Variants in DDR2 observed in about 807,000 individuals in gnomAD.
DDR2 encodes the protein discoidin domain-containing receptor 2.
A neutral mutation model predicts 94.9 loss-of-function variants in DDR2; 27 were observed. That is an observed-to-expected ratio of 0.28 (90% CI 0.21 to 0.39). The LOEUF is 0.39. Ranked by LOEUF, DDR2 falls within the 10% of genes least tolerant of loss-of-function variation. The probability of loss-of-function intolerance (pLI) is 1.00; values close to 1 mark genes in which losing one functional copy is unlikely to be tolerated. For synonymous variants in DDR2, 382 were observed against 377.2 expected (o/e 1.01, Z -0.15); for missense variants, 783 against 1,076.0 (o/e 0.73, Z 3.81).
chr1:162,674,632 C>A (rs984310749), intron 2 of DDR2, among the ~76,000 whole-genome samples: 3 of 152,176 alleles, frequency 2.0e-5, no homozygotes, highest in Admixed American at 1.3e-4. Flanking sequence ...GTTTCACCAG[C>A]AATCTCTGTT....
Position 162,786,850 on chromosome 1 carries a change from C to T in DDR2, c.*6604C>T, listed in dbSNP as rs544859000. On this transcript the variant is annotated 3_prime_UTR_variant, in exon 18 of 18. Transcript: ENST00000367921. ...CGTCCTCACATTAATTAGTCCAGTT[C>T]TGGGGAATCCAGTCTAGAATTAACT... The T allele has an allele frequency of 2.6e-4, 39 of 152,338 alleles. No individual in the cohort carries two copies. Among genetic ancestry groups the T allele is most frequent in the African/African-American group, 9.1e-4 (38 of 41,572 alleles). The allele number at this position is 152,338 out of a possible 1,614,324, so 9.4% of individuals were successfully genotyped here.
At chr1:162,666,435 A>C (rs1398040462) in intron 2 of DDR2, among the ~76,000 whole-genome samples, 1 of 152,196 alleles carries the variant, frequency 6.6e-6, no homozygotes, top group African/African-American at 2.4e-5. Context: ...GCAATGGGTC[A>C]GTGTGAACTC....
intron 3 of DDR2, among the ~76,000 whole-genome samples, chr1:162,750,631 A>G (rs1002637374): frequency 6.6e-6 from 1 of 152,212 alleles, no homozygotes; most frequent in Non-Finnish European, 1.5e-5. Context: ...TCTTCACAGA[A>G]TTGGAAAAAA....
At chr1:162,684,333 A>G (rs927669494) in intron 2 of DDR2, among the ~76,000 whole-genome samples, 2 of 152,180 alleles carry the variant, frequency 1.3e-5, no homozygotes, top group Non-Finnish European at 2.9e-5. Context: ...AGCATAAGGA[A>G]TTCTACAAAC....
intron 2 of DDR2, among the ~76,000 whole-genome samples, chr1:162,670,859 A>G (rs4656376): frequency 0.51 from 76,965 of 152,064 alleles, 22,065 homozygotes; most frequent in Middle Eastern, 0.65. Flanking sequence ...GAGGAGCCAG[A>G]ACACTAATTT....
chr1:162,715,232 G>T (rs917844016), intron 2 of DDR2, among the ~76,000 whole-genome samples: 1 of 152,064 alleles, frequency 6.6e-6, no homozygotes, highest in African/African-American at 2.4e-5. Flanking sequence ...CTACAACAAC[G>T]AATAAAATGA....
At chr1:162,748,502 A>C (rs997750539) in intron 3 of DDR2, among the ~76,000 whole-genome samples, 10 of 152,078 alleles carry the variant, frequency 6.6e-5, no homozygotes, top group African/African-American at 1.7e-4. Context: ...TTCATAAAGC[A>C]AGTCCTTAAA....
intron 2 of DDR2, among the ~76,000 whole-genome samples, chr1:162,708,635 T>G (rs1468306209): frequency 6.6e-6 from 1 of 152,216 alleles, no homozygotes; most frequent in African/African-American, 2.4e-5. Flanking sequence ...TCTGCTCTGC[T>G]GGTTCATAGG....
chr1:162,696,584 G>GA (rs1172311571), intron 2 of DDR2, among the ~76,000 whole-genome samples: 3 of 151,914 alleles, frequency 2.0e-5, no homozygotes, highest in African/African-American at 4.8e-5. Context: ...GTGAGGGCTT[G>GA]AAAAAAACAC....
In DDR2 at chr1:162,759,892, T is replaced by C. The variant is rs1663633174; in HGVS notation, c.768T>C (p.Tyr256=). The change falls in exon 8 of 18, where the codon TAT becomes TAC. Residue 256 remains tyrosine, a synonymous_variant. Transcript: ENST00000367921. The part of the protein sequence containing the change: ...HEYHVWPGYD[Y]VGWRNESATN... ...ACCACGTGTGGCCCGGCTATGACTA[T>C]GTGGGCTGGCGGAACGAGAGTGCCA... 3 of 1,614,136 alleles carry C rather than the reference T, an allele frequency of 1.9e-6. No individual in the cohort carries two copies. The highest frequency in any genetic ancestry group is 1.7e-6 in the Non-Finnish European group (2 of 1,180,008).
At chr1:162,696,548 A>T (rs751525622) in intron 2 of DDR2, among the ~76,000 whole-genome samples, 17 of 151,454 alleles carry the variant, frequency 1.1e-4, no homozygotes, top group Non-Finnish European at 1.8e-4. Flanking sequence ...TCTGGCTTTC[A>T]TCGCTGCCTC....
intron 2 of DDR2, among the ~76,000 whole-genome samples, chr1:162,714,570 T>C (rs1661069866): frequency 6.6e-6 from 1 of 152,210 alleles, no homozygotes; most frequent in East Asian, 1.9e-4. Context: ...TTCATTCTCT[T>C]CAGTGTTCTG....
chr1:162,709,328 C>G (rs1055363931), intron 2 of DDR2, among the ~76,000 whole-genome samples: 1 of 152,154 alleles, frequency 6.6e-6, no homozygotes, highest in Non-Finnish European at 1.5e-5. Flanking sequence ...ATGGGTGGCT[C>G]AGAGTTTTAG....
At chr1:162,727,961 C>CTATATATATATA (rs71093202) in intron 3 of DDR2, among the ~76,000 whole-genome samples, 3 of 120,860 alleles carry the variant, frequency 2.5e-5, no homozygotes, top group Middle Eastern at 3.8e-3. Context: ...CTATATATAT[C>CTATATATATATA]TATATATATA....
chr1:162,749,621 A>G (rs929662459), intron 3 of DDR2, among the ~76,000 whole-genome samples: 6 of 152,242 alleles, frequency 3.9e-5, no homozygotes, highest in African/African-American at 1.4e-4. Flanking sequence ...ATTCCAGTCA[A>G]TAGAAATACA....
Position 162,741,016 on chromosome 1 carries a change from A to G in DDR2, c.83-12079A>G, listed in dbSNP as rs1387634707. Reference sequence around the variant, plus strand: ...TGGTGTATTGGGACAAACTTTGGATAGAGATACAGAATGTGATCTACGTCA... The same window carrying G: ...TGGTGTATTGGGACAAACTTTGGATGGAGATACAGAATGTGATCTACGTCA... On this transcript the variant is annotated intron_variant, in intron 3 of 17. Coordinates refer to ENST00000367921, the MANE Select transcript of DDR2 (RefSeq NM_006182.4). 2.0e-5 allele frequency among the ~76,000 whole-genome samples: 3 copies of G among 151,950 alleles called. No homozygotes were observed. The East Asian group carries it at 5.8e-4, about 29-fold the overall frequency.
rs750254884 is a variant in DDR2 at position 162,776,268 on chromosome 1, T to C, written c.2181T>C (p.Ala727=). 1 of 1,613,974 alleles carries C rather than the reference T, an allele frequency of 6.2e-7. No homozygotes were observed. The highest frequency in any genetic ancestry group is 1.7e-5 in the Admixed American group (1 of 60,000). Residue 727 remains alanine, a synonymous_variant, in exon 16 of 18, where the codon GCT becomes GCC. Coordinates refer to ENST00000367921, the MANE Select transcript of DDR2 (RefSeq NM_006182.4). ...LVGKNYTIKI[A]DFGMSRNLYS... is the part of the protein sequence containing the mutation. ...GTAAGAACTACACAATCAAGATAGCTGACTTTGGAATGAGCAGGAACCTGT... is the reference window on the plus strand; with the variant it reads ...GTAAGAACTACACAATCAAGATAGCCGACTTTGGAATGAGCAGGAACCTGT...
chr1:162,672,108 C>A (rs1159891429), intron 2 of DDR2, among the ~76,000 whole-genome samples: 1 of 152,202 alleles, frequency 6.6e-6, no homozygotes, highest in Non-Finnish European at 1.5e-5. Flanking sequence ...GCTCAAAAGC[C>A]TTCAGTGGAC....
rs1172805098 is a variant in DDR2 at position 162,761,208 on chromosome 1, C to T, written c.856-3C>T. 15 of 1,613,960 alleles carry T rather than the reference C, an allele frequency of 9.3e-6. No individual in the cohort carries two copies. Among genetic ancestry groups the T allele is most frequent in the African/African-American group, 1.3e-5 (1 of 74,912 alleles). ...ATCACTCACATGCCTCTTTCTCTACCAGGTCCACTGCAACAACATGTTTGC... is the reference window on the plus strand; with the variant it reads ...ATCACTCACATGCCTCTTTCTCTACTAGGTCCACTGCAACAACATGTTTGC... On this transcript the variant is annotated splice_region_variant and splice_polypyrimidine_tract_variant and intron_variant, in intron 8 of 17. Transcript: ENST00000367921.
Sources: gnomAD v4.1 joint callset for allele counts (sites outside exome capture counted in the v4.1 genomes callset) on GRCh38, gnomAD v4.1.1 for gene constraint, MANE v1.5 for transcripts, NCBI Gene and HGNC (gene_info 2026-07-23, HGNC 2026-07-21) for gene names.